The following DPF3 variants were observed in gnomAD, a reference collection of about 807,000 sequenced individuals.
DPF3 encodes the protein zinc finger protein DPF3.
In DPF3, 18 loss-of-function variants were observed where a neutral mutation model predicts 56.8. That is an observed-to-expected ratio of 0.32 (90% CI 0.22 to 0.47). DPF3 has a LOEUF of 0.47. DPF3 is among the 20% of genes least tolerant of loss of function. DPF3 has a pLI of 1.00. For missense variants in DPF3, 403 were observed against 488.8 expected (o/e 0.82, Z 1.65); for synonymous variants, 188 against 180.2 (o/e 1.04, Z -0.35).
At chr14:72,670,635 TTCTCTC>T (rs140358812) in intron 8 of DPF3, 95 of 934,802 alleles carry the variant, frequency 1.0e-4, no homozygotes, top group Admixed American at 5.0e-4. Context: ...TTGATTTCCC[TTCTCTC>T]TCTCTCTCTC....
In DPF3 at chr14:72,674,359, C is replaced by A. The variant is rs761795246; in HGVS notation, c.752G>T (p.Gly251Val). The A allele has an allele frequency of 6.2e-7, 1 of 1,612,484 alleles. No individual in the cohort carries two copies. Among genetic ancestry groups the A allele is most frequent in the Non-Finnish European group, 8.5e-7 (1 of 1,179,402 alleles). ...ATTGGGAATGACTGTTCCATCCGGT[C>A]CTTTCTGGGCTGTGGGAACATTTAA... ...HRNENHRPQK[G>V]PDGTVIPNNY... is the part of the protein sequence containing the mutation. Residue 251 changes from glycine (G) to valine (V), a missense_variant, in exon 8 of 11, where the codon GGA (glycine) becomes GTA (valine). By Grantham distance (109) the Gly-to-Val change is moderately radical (BLOSUM62 -3). Transcript: ENST00000556509.
chr14:72,833,161 G>A (rs1478042486), intron 1 of DPF3, among the ~76,000 whole-genome samples: 4 of 152,218 alleles, frequency 2.6e-5, no homozygotes, highest in Non-Finnish European at 5.9e-5. Flanking sequence ...ACAAAGACCT[G>A]AACTAAGGCA....
At chr14:72,728,271 G>A (rs1889491986) in intron 4 of DPF3, among the ~76,000 whole-genome samples, 1 of 152,194 alleles carries the variant, frequency 6.6e-6, no homozygotes, top group Non-Finnish European at 1.5e-5. Flanking sequence ...AAGGCAAGAA[G>A]AGATCCCTCT....
At chr14:72,828,759 T>A (rs1883928519) in intron 1 of DPF3, among the ~76,000 whole-genome samples, 1 of 152,128 alleles carries the variant, frequency 6.6e-6, no homozygotes, top group Non-Finnish European at 1.5e-5. Flanking sequence ...GTTTGGACTT[T>A]ATCCTGGGGG....
At chr14:72,781,849 G>C (rs4903058) in intron 1 of DPF3, among the ~76,000 whole-genome samples, 174 of 152,292 alleles carry the variant, frequency 1.1e-3, no homozygotes, top group Non-Finnish European at 1.4e-3. Context: ...AGAATGTGTA[G>C]AATGCAACAA....
rs114672629 is a variant in DPF3, at chr14:72,754,163, C to A, written c.194-792G>T. ...CAATTGTGTGTGGCTCTGGTGGCAG[C>A]CACGGGCCTTAGAGGAACAGGGACT... On this transcript the variant is annotated intron_variant, in intron 2 of 10. Coordinates refer to ENST00000556509, the MANE Select transcript of DPF3 (RefSeq NM_001280542.3). Among the ~76,000 whole-genome samples, 887 of 152,252 alleles carry A rather than the reference C, an allele frequency of 5.8e-3. 9 individuals carry two copies. The highest frequency in any genetic ancestry group is 0.021 in the African/African-American group (852 of 41,542).
intron 4 of DPF3, among the ~76,000 whole-genome samples, chr14:72,731,110 G>A (rs986022937): frequency 2.6e-5 from 4 of 152,130 alleles, no homozygotes; most frequent in African/African-American, 9.7e-5. Flanking sequence ...AGTTTGCAGT[G>A]AGCCGAGATC....
chr14:72,753,183 C>T, intron 3 of DPF3, 81 bp downstream of exon 3: 2 of 1,368,302 alleles, frequency 1.5e-6, no homozygotes. Flanking sequence ...GACAAAGGAG[C>T]AAACCAACCT....
intron 1 of DPF3, among the ~76,000 whole-genome samples, chr14:72,856,356 C>G (rs1210466609): frequency 2.6e-5 from 4 of 152,150 alleles, no homozygotes; most frequent in African/African-American, 9.7e-5. Flanking sequence ...AGCAGGACTC[C>G]CAGCCAGAAC....
intron 2 of DPF3, among the ~76,000 whole-genome samples, chr14:72,766,101 C>T (rs1891276594): frequency 6.6e-6 from 1 of 152,162 alleles, no homozygotes; most frequent in African/African-American, 2.4e-5. Context: ...AATGGTTCCA[C>T]AGGTGAATAT....
At chr14:72,774,018 C>G (rs904257039) in intron 1 of DPF3, 1 of 452,954 alleles carries the variant, frequency 2.2e-6, no homozygotes, top group Non-Finnish European at 4.4e-6. Context: ...GGCGCAGTGG[C>G]TCATGCCTGT....
intron 6 of DPF3, among the ~76,000 whole-genome samples, chr14:72,709,495 T>C (rs1381907062): frequency 3.3e-5 from 5 of 152,320 alleles, no homozygotes; most frequent in African/African-American, 1.2e-4. Flanking sequence ...GCCTGATGCC[T>C]AGAAATTGCC....
At chr14:72,875,499 T>C (rs1300723524) in intron 1 of DPF3, among the ~76,000 whole-genome samples, 1 of 152,156 alleles carries the variant, frequency 6.6e-6, no homozygotes, top group Non-Finnish European at 1.5e-5. Flanking sequence ...CAAAAACTAT[T>C]AGTCCTACTT....
intron 1 of DPF3, among the ~76,000 whole-genome samples, chr14:72,817,471 G>A (rs1883339653): frequency 6.6e-6 from 1 of 152,046 alleles, no homozygotes; most frequent in Admixed American, 6.5e-5. Flanking sequence ...AGCCTGGCTG[G>A]GTAACATGGC....
chr14:72,872,770 T>C (rs61988472), intron 1 of DPF3, among the ~76,000 whole-genome samples: 25,332 of 151,696 alleles, frequency 0.17, 2,108 homozygotes, highest in Non-Finnish European at 0.2. Flanking sequence ...TAATGCCGCA[T>C]ATCTACAACT....
rs10545910 is a variant in DPF3 at position 72,881,294 on chromosome 14, CTGTTGTTGTTGTTGTTGTTGT to C, written c.32+12742_32+12762del. ...AGATCTCATTCTCTAAAATTCAGAG[CTGTTGTTGTTGTTGTTGTTGT>C]TGTTGTTGTTGTTGTTGTTGCTGTT... is the stretch of plus-strand genomic sequence containing the variant. On this transcript the variant is annotated intron_variant, in intron 1 of 10. Coordinates refer to ENST00000556509, the MANE Select transcript of DPF3 (RefSeq NM_001280542.3). Among the ~76,000 whole-genome samples the C allele has an allele frequency of 2.8e-3, 417 of 151,150 alleles. 1 individual carries two copies. Among genetic ancestry groups the C allele is most frequent in the Non-Finnish European group, 4.9e-3 (331 of 67,826 alleles).
intron 5 of DPF3, among the ~76,000 whole-genome samples, chr14:72,718,734 T>C (rs1041917750): frequency 6.7e-6 from 1 of 149,776 alleles, no homozygotes; most frequent in African/African-American, 2.5e-5. Context: ...ATTCCTGAGA[T>C]CAAAAAAATT....
At chr14:72,620,756 C>T (rs1196670557) in intron 9 of DPF3, among the ~76,000 whole-genome samples, 1 of 152,242 alleles carries the variant, frequency 6.6e-6, no homozygotes, top group Non-Finnish European at 1.5e-5. Context: ...TCTCTTCCCT[C>T]GTGCAGCCCT....
intron 6 of DPF3, among the ~76,000 whole-genome samples, chr14:72,702,150 GTC>G (rs1409768492): frequency 6.6e-6 from 1 of 152,256 alleles, no homozygotes; most frequent in East Asian, 1.9e-4. Context: ...GCGCTGGTGA[GTC>G]TCTGCTTGGC....
Sources: gnomAD v4.1 joint callset for allele counts (sites outside exome capture counted in the v4.1 genomes callset) on GRCh38, gnomAD v4.1.1 for gene constraint, MANE v1.5 for transcripts, NCBI Gene and HGNC (gene_info 2026-07-23, HGNC 2026-07-21) for gene names.